The following GRIK4 variants were observed in gnomAD, a reference collection of about 807,000 sequenced individuals.
GRIK4 encodes the protein glutamate receptor ionotropic, kainate 4.
A neutral mutation model predicts 104.9 loss-of-function variants in GRIK4; 40 were observed. That is an observed-to-expected ratio of 0.38 (90% CI 0.30 to 0.50). GRIK4 has a LOEUF of 0.50. GRIK4 is among the 20% of genes least tolerant of loss of function. The probability of loss-of-function intolerance (pLI) is 0.93; values close to 1 mark genes in which losing one functional copy is unlikely to be tolerated. For missense variants in GRIK4, 1,047 were observed against 1,308.1 expected (o/e 0.80, Z 3.08); for synonymous variants, 485 against 524.9 (o/e 0.92, Z 1.04).
rs550898537 is a variant in GRIK4, at chr11:120,623,914, G to A, written c.-158-29771G>A. Among the ~76,000 whole-genome samples, 40 of 151,780 alleles carry A rather than the reference G, an allele frequency of 2.6e-4. No homozygotes were observed. In the South Asian group the frequency reaches 6.3e-3, roughly 24 times the overall value. On this transcript the variant is annotated intron_variant, in intron 1 of 20. Transcript: ENST00000527524. ...TCCGTGGCACCCTGCTTCTCTCTGG[G>A]CCCTCCCCGTTCCTCCTCCTCCTCC...
chr11:120,970,529 C>T (rs1189000468), intron 19 of GRIK4, among the ~76,000 whole-genome samples: 2 of 152,134 alleles, frequency 1.3e-5, no homozygotes, highest in Admixed American at 6.5e-5. Context: ...CCTTTTCCTC[C>T]CTGAACCCTA....
intron 8 of GRIK4, among the ~76,000 whole-genome samples, chr11:120,843,522 A>G (rs1287580386): frequency 6.6e-6 from 1 of 152,226 alleles, no homozygotes; most frequent in Non-Finnish European, 1.5e-5. Flanking sequence ...TGGCAATATC[A>G]ATAGTTGATA....
chr11:120,850,281 C>A (rs1953944731), intron 8 of GRIK4, among the ~76,000 whole-genome samples: 1 of 151,986 alleles, frequency 6.6e-6, no homozygotes, highest in South Asian at 2.1e-4. Flanking sequence ...AGGTAAAATT[C>A]ATCGTAGTCA....
chr11:120,706,671 T>G (rs1025256415), intron 3 of GRIK4, among the ~76,000 whole-genome samples: 1 of 152,196 alleles, frequency 6.6e-6, no homozygotes, highest in Non-Finnish European at 1.5e-5. Flanking sequence ...CTTTATCACC[T>G]AAGACATATA....
intron 1 of GRIK4, among the ~76,000 whole-genome samples, chr11:120,535,451 C>A (rs563934739): frequency 9.1e-4 from 139 of 151,948 alleles, no homozygotes; most frequent in Middle Eastern, 3.4e-3. Flanking sequence ...GGGAGCAGGC[C>A]GGGACCCCCA....
chr11:120,558,051 C>T (rs560128170), intron 1 of GRIK4, among the ~76,000 whole-genome samples: 8 of 148,398 alleles, frequency 5.4e-5, no homozygotes, highest in East Asian at 4.0e-4. Flanking sequence ...AAGAAGTAAT[C>T]GACAGTGGTC....
chr11:120,596,121 C>T (rs1427871494), intron 1 of GRIK4, among the ~76,000 whole-genome samples: 1 of 152,250 alleles, frequency 6.6e-6, no homozygotes, highest in Admixed American at 6.5e-5. Context: ...GCTGGGATTA[C>T]AGGCACGGGC....
chr11:120,884,785 C>T (rs1474720336), intron 11 of GRIK4, among the ~76,000 whole-genome samples: 2 of 152,260 alleles, frequency 1.3e-5, no homozygotes, highest in Admixed American at 1.3e-4. Context: ...CCAGCCAGAG[C>T]GCTGCAAGGC....
At chr11:120,919,184 C>T (rs967331624) in intron 13 of GRIK4, among the ~76,000 whole-genome samples, 19 of 152,130 alleles carry the variant, frequency 1.2e-4, no homozygotes, top group African/African-American at 2.7e-4. Flanking sequence ...GCAGAGGGAA[C>T]GGTGTGAGGT....
intron 1 of GRIK4, among the ~76,000 whole-genome samples, chr11:120,554,569 T>A (rs957061704): frequency 6.6e-6 from 1 of 151,908 alleles, no homozygotes; most frequent in African/African-American, 2.4e-5. Context: ...CTTTTTCTTT[T>A]TTTTTTTGAG....
intron 1 of GRIK4, among the ~76,000 whole-genome samples, chr11:120,616,237 C>G (rs1442785721): frequency 2.6e-5 from 4 of 152,130 alleles, no homozygotes; most frequent in Admixed American, 1.3e-4. Flanking sequence ...GCCACGGAGT[C>G]TGGGCCAGCC....
At chr11:120,916,276 C>T (rs1419821886) in intron 13 of GRIK4, among the ~76,000 whole-genome samples, 1 of 152,118 alleles carries the variant, frequency 6.6e-6, no homozygotes, top group Non-Finnish European at 1.5e-5. Flanking sequence ...CTCTAGGAGC[C>T]TTTCAGCTAA....
rs35705174 is a variant in GRIK4, at chr11:120,934,204, CAAAAAAAAA to C, written c.1477-6124_1477-6116del. ...TGGGTGACAGAGCGAGACTCCGTCTCAAAAAAAAAAAAAAAAAAAAAAAAAAAGGTCAGC... is the reference window on the plus strand; with the variant it reads ...TGGGTGACAGAGCGAGACTCCGTCTCAAAAAAAAAAAAAAAAAAGGTCAGC... On this transcript the variant is annotated intron_variant, in intron 13 of 20. Transcript: ENST00000527524. 9.2e-4 allele frequency among the ~76,000 whole-genome samples: 50 copies of C among 54,234 alleles called. 2 individuals carry two copies. The highest frequency in any genetic ancestry group is 1.1e-3 in the Non-Finnish European group (32 of 29,012). The allele number at this position is 54,234 out of a possible 152,430, so 35.6% of individuals were successfully genotyped here.
intron 1 of GRIK4, among the ~76,000 whole-genome samples, chr11:120,636,351 C>T (rs1458040990): frequency 6.6e-6 from 1 of 152,120 alleles, no homozygotes; most frequent in Admixed American, 6.5e-5. Context: ...TGTCATAATC[C>T]AGGAAAGATG....
chr11:120,896,799 T>G (rs1220457994), intron 11 of GRIK4, among the ~76,000 whole-genome samples: 1 of 152,232 alleles, frequency 6.6e-6, no homozygotes, highest in Non-Finnish European at 1.5e-5. Flanking sequence ...ACATGGCATC[T>G]GTGGAACTTG....
intron 3 of GRIK4, among the ~76,000 whole-genome samples, chr11:120,739,610 A>T (rs1951291038): frequency 1.3e-5 from 2 of 152,208 alleles, no homozygotes; most frequent in Admixed American, 1.3e-4. Flanking sequence ...TTTCTCTGTC[A>T]TTCTGTGTTT....
At chr11:120,561,337 C>G (rs982693450) in intron 1 of GRIK4, among the ~76,000 whole-genome samples, 5 of 152,234 alleles carry the variant, frequency 3.3e-5, no homozygotes, top group African/African-American at 1.2e-4. Flanking sequence ...ATTTCTGCAT[C>G]AAGGCGCCTG....
intron 1 of GRIK4, among the ~76,000 whole-genome samples, chr11:120,571,226 G>C (rs547170792): frequency 6.6e-6 from 1 of 152,156 alleles, no homozygotes; most frequent in South Asian, 2.1e-4. Context: ...TTCTTTCTTG[G>C]TTTACTCCAT....
chr11:120,944,201 TTC>T (rs71890093), intron 14 of GRIK4, among the ~76,000 whole-genome samples: 21,367 of 131,526 alleles, frequency 0.16, 1,733 homozygotes, highest in Middle Eastern at 0.27. Context: ...CCTCCCTTCT[TTC>T]TCTCTCTCTC....
Sources: gnomAD v4.1 joint callset for allele counts (sites outside exome capture counted in the v4.1 genomes callset) on GRCh38, gnomAD v4.1.1 for gene constraint, MANE v1.5 for transcripts, NCBI Gene and HGNC (gene_info 2026-07-23, HGNC 2026-07-21) for gene names.